ACAP2: variants seen among roughly 807,000 people sequenced by gnomAD.
The protein encoded by ACAP2 is ArfGAP with coiled-coil, ankyrin repeat and PH domains 2.
A neutral mutation model predicts 115.8 loss-of-function variants in ACAP2; 39 were observed. The observed-to-expected ratio is 0.34, with a 90% CI of 0.26 to 0.44. The LOEUF (loss-of-function observed/expected upper bound fraction) is 0.44, where lower values mean the gene tolerates loss of function less well. Among genes scored for constraint, ACAP2 ranks in the 20% least tolerant of loss-of-function variants. ACAP2 has a pLI of 1.00. For missense variants in ACAP2, 662 were observed against 927.6 expected, an observed-to-expected ratio of 0.71 and a Z score of 3.72; for synonymous variants, 289 against 315.8, an observed-to-expected ratio of 0.92 and a Z score of 0.90.
chr3:195,336,715 G>C (rs1462627891), intron 7 of ACAP2: 1 of 540,666 alleles, frequency 1.8e-6, no homozygotes, highest in Non-Finnish European at 3.3e-6. Flanking sequence ...TACCTTTATG[G>C]ACCTCACAGT....
intron 10 of ACAP2, among the ~76,000 whole-genome samples, chr3:195,312,321 A>G (rs1728823042): frequency 6.6e-6 from 1 of 152,228 alleles, no homozygotes; most frequent in South Asian, 2.1e-4. Flanking sequence ...AATAAATGGC[A>G]AAACAAAAAA....
intron 7 of ACAP2, 120 bp from the exon 8 acceptor site, chr3:195,333,243 C>T: frequency 4.6e-6 from 2 of 435,040 alleles, no homozygotes; most frequent in Non-Finnish European, 7.4e-6. Flanking sequence ...CTCTGTCGCC[C>T]AGACCTGGCA....
chr3:195,312,973 G>C (rs989193547), intron 10 of ACAP2: 2 of 152,140 alleles, frequency 1.3e-5, no homozygotes, highest in African/African-American at 4.8e-5. Flanking sequence ...TTTTCCTGTC[G>C]TGTGAAAAAA....
intron 2 of ACAP2, among the ~76,000 whole-genome samples, chr3:195,385,985 A>C (rs1038987869): frequency 6.6e-6 from 1 of 152,236 alleles, no homozygotes; most frequent in Non-Finnish European, 1.5e-5. Flanking sequence ...CAAAAGGGAA[A>C]CAACTCAAAT....
intron 4 of ACAP2, among the ~76,000 whole-genome samples, chr3:195,364,225 T>C (rs1732561074): frequency 6.6e-6 from 1 of 152,260 alleles, no homozygotes; most frequent in Middle Eastern, 3.4e-3. Context: ...AAGAATATTA[T>C]AAAGGGCTCA....
chr3:195,441,523 A>G (rs1365956891), intron 1 of ACAP2, among the ~76,000 whole-genome samples: 4 of 152,218 alleles, frequency 2.6e-5, no homozygotes, highest in African/African-American at 9.6e-5. Context: ...TCTAAGTAGC[A>G]GTTCCTTAGT....
At chr3:195,290,261 T>C (rs1459944455) in intron 20 of ACAP2, among the ~76,000 whole-genome samples, 1 of 151,950 alleles carries the variant, frequency 6.6e-6, no homozygotes, top group East Asian at 1.9e-4. Context: ...CCCAGCCACT[T>C]GGGAAGCTGA....
intron 1 of ACAP2, among the ~76,000 whole-genome samples, chr3:195,397,953 A>G (rs1048850158): frequency 2.6e-5 from 4 of 152,244 alleles, no homozygotes; most frequent in Non-Finnish European, 5.9e-5. Context: ...GCCTAAGATC[A>G]GCAATTAAAA....
chr3:195,420,272 T>C (rs1714069180), intron 1 of ACAP2, among the ~76,000 whole-genome samples: 1 of 152,210 alleles, frequency 6.6e-6, no homozygotes, highest in Non-Finnish European at 1.5e-5. Context: ...GTTCCTAACT[T>C]TATTTAATGT....
chr3:195,351,705 C>T (rs887254591), intron 4 of ACAP2, among the ~76,000 whole-genome samples: 2 of 151,946 alleles, frequency 1.3e-5, no homozygotes, highest in East Asian at 1.9e-4. Context: ...ATCCGTGATC[C>T]GCCCGCATCG....
intron 7 of ACAP2, 139 bp from the exon 8 acceptor site, chr3:195,333,262 C>A: frequency 2.6e-6 from 1 of 385,358 alleles, no homozygotes. Flanking sequence ...CATGCAGTGG[C>A]ATGGACACAG....
chr3:195,351,396 C>T (rs1387913193), intron 4 of ACAP2, among the ~76,000 whole-genome samples: 2 of 151,248 alleles, frequency 1.3e-5, no homozygotes, highest in African/African-American at 4.9e-5. Context: ...GGATTACAGG[C>T]GTGAGTCACC....
At chr3:195,293,270 A>G (rs1236413809) in intron 18 of ACAP2, among the ~76,000 whole-genome samples, 2 of 152,180 alleles carry the variant, frequency 1.3e-5, no homozygotes, top group East Asian at 3.9e-4. Context: ...GTCCAATACC[A>G]TCCCAATTGG....
chr3:195,435,202 T>C (rs890952348), intron 1 of ACAP2, among the ~76,000 whole-genome samples: 4 of 151,510 alleles, frequency 2.6e-5, no homozygotes, highest in African/African-American at 4.9e-5. Context: ...TTAGACAGAG[T>C]CTCACTCTGT....
intron 1 of ACAP2, among the ~76,000 whole-genome samples, chr3:195,406,240 T>C (rs1316343078): frequency 2.6e-5 from 4 of 152,124 alleles, no homozygotes; most frequent in African/African-American, 7.3e-5. Context: ...AAATTTATTT[T>C]CTATCAATAA....
At chr3:195,299,145 C>T (rs1269367409) in intron 15 of ACAP2, among the ~76,000 whole-genome samples, 6 of 152,176 alleles carry the variant, frequency 3.9e-5, no homozygotes, top group Non-Finnish European at 5.9e-5. Flanking sequence ...TGAGACATCA[C>T]TGCATCAGAC....
chr3:195,347,433 A>C (rs1731256443), intron 4 of ACAP2, among the ~76,000 whole-genome samples: 1 of 152,206 alleles, frequency 6.6e-6, no homozygotes, highest in African/African-American at 2.4e-5. Flanking sequence ...AAAAGAAGTC[A>C]CACATACACA....
intron 1 of ACAP2, among the ~76,000 whole-genome samples, chr3:195,424,303 T>A (rs1714486939): frequency 1.0e-5 from 1 of 95,540 alleles, no homozygotes; most frequent in South Asian, 4.3e-4. Flanking sequence ...TTTTTTTTTT[T>A]TTTTTTTTTG....
At chr3:195,325,000 C>A (rs540991376) in intron 9 of ACAP2, among the ~76,000 whole-genome samples, 1 of 152,112 alleles carries the variant, frequency 6.6e-6, no homozygotes, top group South Asian at 2.1e-4. Flanking sequence ...ATAAGATATG[C>A]AAAAGACCAA....
Sources: gnomAD v4.1 joint callset for allele counts (sites outside exome capture counted in the v4.1 genomes callset) on GRCh38, gnomAD v4.1.1 for gene constraint, MANE v1.5 for transcripts, NCBI Gene and HGNC (gene_info 2026-07-23, HGNC 2026-07-21) for gene names.